AGBL4: variants seen among roughly 807,000 people sequenced by gnomAD.
AGBL4 encodes cytosolic carboxypeptidase 6.
AGBL4 carries 58 observed loss-of-function variants against 66.4 expected under a neutral mutation model. The observed-to-expected ratio is 0.87, with a 90% CI of 0.71 to 1.09. AGBL4 has a LOEUF of 1.09. Among genes scored for constraint, AGBL4 ranks in the 50% least tolerant of loss-of-function variants. The pLI is 0.00. For missense variants in AGBL4, 579 were observed against 631.0 expected (o/e 0.92, Z 0.88); for synonymous variants, 234 against 222.9 (o/e 1.05, Z -0.44).
At chr1:49,546,134 G>T (rs1310763349) in intron 3 of AGBL4, among the ~76,000 whole-genome samples, 3 of 151,998 alleles carry the variant, frequency 2.0e-5, no homozygotes, top group Non-Finnish European at 4.4e-5. Flanking sequence ...ATGATGTTTG[G>T]TTTTCCATTT....
chr1:49,752,507 G>C lies in AGBL4; in HGVS notation c.158-55070C>G, dbSNP rs1571487177. ...ACTCCTAGTTATGTGAACAGTTCTAGAATAAGTGCTATGTGGTCCTGAGAA... is the reference window on the plus strand; with the variant it reads ...ACTCCTAGTTATGTGAACAGTTCTACAATAAGTGCTATGTGGTCCTGAGAA... On this transcript the variant is annotated intron_variant, in intron 2 of 13. Transcript: ENST00000371839. Among the ~76,000 whole-genome samples, 2 of 152,156 alleles carry C rather than the reference G, an allele frequency of 1.3e-5. 1 individual carries two copies. Among genetic ancestry groups the C allele is most frequent in the East Asian group, 3.9e-4 (2 of 5,194 alleles).
chr1:49,580,858 CT>C (rs1345621696), intron 3 of AGBL4, among the ~76,000 whole-genome samples: 1 of 152,036 alleles, frequency 6.6e-6, no homozygotes, highest in East Asian at 1.9e-4. Flanking sequence ...CCTTTTTGCC[CT>C]GTGTTTCCCT....
chr1:49,944,940 A>G (rs1202916248), intron 1 of AGBL4, among the ~76,000 whole-genome samples: 6 of 151,904 alleles, frequency 3.9e-5, no homozygotes, highest in African/African-American at 7.2e-5. Flanking sequence ...CTCAGCAATA[A>G]AATCAAACAA....
At chr1:48,860,388 A>G (rs1419016559) in intron 6 of AGBL4, among the ~76,000 whole-genome samples, 1 of 152,200 alleles carries the variant, frequency 6.6e-6, no homozygotes, top group East Asian at 1.9e-4. Context: ...CAGAAATGCA[A>G]AAGGGTAAGT....
chr1:49,319,517 C>T (rs1184888744), intron 3 of AGBL4, among the ~76,000 whole-genome samples: 1 of 152,086 alleles, frequency 6.6e-6, no homozygotes, highest in Non-Finnish European at 1.5e-5. Flanking sequence ...ACTATGCTAC[C>T]TCCTAGTTCA....
intron 3 of AGBL4, among the ~76,000 whole-genome samples, chr1:49,686,258 C>G (rs1357981980): frequency 6.6e-6 from 1 of 152,046 alleles, no homozygotes; most frequent in African/African-American, 2.4e-5. Context: ...CCGCCACGGC[C>G]CCACTGAAGT....
Position 49,635,246 on chromosome 1 carries a change from C to G in AGBL4, c.282+62067G>C, listed in dbSNP as rs528541421. The stretch of plus-strand genomic sequence containing the variant: ...TCATATCATACACAAAAGTTAATTC[C>G]AGATAGACTTCAGATATAAATATGA... On this transcript the variant is annotated intron_variant, in intron 3 of 13. Coordinates refer to ENST00000371839, the MANE Select transcript of AGBL4 (RefSeq NM_032785.4). Among the ~76,000 whole-genome samples, 14 of 152,228 alleles carry G rather than the reference C, an allele frequency of 9.2e-5. No individual in the cohort carries two copies. In the East Asian group the frequency reaches 2.5e-3, roughly 27 times the overall value.
rs572399106 is a variant in AGBL4, at chr1:48,634,465, C to T, written c.951+28G>A. On this transcript the variant is annotated intron_variant, in intron 9 of 13. Transcript: ENST00000371839. Reference sequence around the variant, plus strand: ...TTTCCCAGATCAAGCCATAGATCAGCAGCTGTGGAGGGCATTCAGTTACTT... The same window carrying T: ...TTTCCCAGATCAAGCCATAGATCAGTAGCTGTGGAGGGCATTCAGTTACTT... 3 of 1,527,590 alleles carry T rather than the reference C, an allele frequency of 2.0e-6. No homozygotes were observed. The South Asian group carries it at 3.6e-5, about 18-fold the overall frequency. 94.6% of individuals were successfully genotyped at this position (1,527,590 alleles called of 1,614,324 possible).
chr1:48,536,782 C>A (rs564142952), intron 12 of AGBL4, among the ~76,000 whole-genome samples: 1 of 152,340 alleles, frequency 6.6e-6, no homozygotes, highest in African/African-American at 2.4e-5. Context: ...TTTCTTCTTC[C>A]TGTCTGATTT....
At chr1:48,992,823 C>T (rs1205925579) in intron 5 of AGBL4, among the ~76,000 whole-genome samples, 2 of 152,098 alleles carry the variant, frequency 1.3e-5, no homozygotes, top group Non-Finnish European at 2.9e-5. Context: ...AACCCAAGGG[C>T]TCTTCAGTCA....
intron 2 of AGBL4, among the ~76,000 whole-genome samples, chr1:49,747,614 C>G (rs952756461): frequency 1.6e-4 from 24 of 152,120 alleles, no homozygotes; most frequent in Non-Finnish European, 3.4e-4. Context: ...TATTTGTCAA[C>G]TAATCAGAGA....
At chr1:48,787,590 A>G (rs769188184) in intron 6 of AGBL4, among the ~76,000 whole-genome samples, 6 of 152,214 alleles carry the variant, frequency 3.9e-5, no homozygotes, top group Non-Finnish European at 8.8e-5. Context: ...ACAACATACA[A>G]TACATTTTCT....
chr1:48,621,463 T>A (rs897823096), intron 9 of AGBL4, among the ~76,000 whole-genome samples: 2 of 152,170 alleles, frequency 1.3e-5, no homozygotes, highest in Non-Finnish European at 2.9e-5. Flanking sequence ...CTTCCATAAT[T>A]TTTTTCTAGT....
chr1:48,584,019 T>C (rs1483395208), intron 11 of AGBL4: 1 of 152,156 alleles, frequency 6.6e-6, no homozygotes, highest in Non-Finnish European at 1.5e-5. Flanking sequence ...GCTCAGCTTG[T>C]GCATAGCCTC....
chr1:50,015,810 T>C (rs1034883188), intron 1 of AGBL4, among the ~76,000 whole-genome samples: 2 of 151,974 alleles, frequency 1.3e-5, no homozygotes, highest in African/African-American at 4.8e-5. Flanking sequence ...CAAAGACCCA[T>C]GGAACAGAAC....
intron 11 of AGBL4, among the ~76,000 whole-genome samples, chr1:48,561,726 T>C (rs1342477825): frequency 6.6e-6 from 1 of 152,120 alleles, no homozygotes; most frequent in Non-Finnish European, 1.5e-5. Flanking sequence ...ATGGGTGTTT[T>C]TTGGCTTTTG....
chr1:49,381,252 C>T (rs1488648774), intron 3 of AGBL4, among the ~76,000 whole-genome samples: 3 of 152,112 alleles, frequency 2.0e-5, no homozygotes, highest in Non-Finnish European at 4.4e-5. Context: ...AAAATGCTCA[C>T]CATCACTGGC....
intron 4 of AGBL4, among the ~76,000 whole-genome samples, chr1:49,151,879 A>G (rs183006544): frequency 3.9e-5 from 6 of 152,294 alleles, no homozygotes; most frequent in African/African-American, 1.4e-4. Context: ...TCTATTTCCC[A>G]GAACATTTTT....
chr1:49,642,814 G>A (rs1347827290), intron 3 of AGBL4, among the ~76,000 whole-genome samples: 2 of 151,980 alleles, frequency 1.3e-5, no homozygotes, highest in East Asian at 3.8e-4. Context: ...AGATCTGAAA[G>A]GATTAACTGT....
Sources: allele counts gnomAD v4.1 joint callset (sites outside exome capture counted in the v4.1 genomes callset), GRCh38; gene constraint gnomAD v4.1.1; transcripts MANE v1.5; gene names NCBI Gene and HGNC (gene_info 2026-07-23, HGNC 2026-07-21).